The following CCDC192 variants were observed in gnomAD, a reference collection of about 807,000 sequenced individuals.
The protein encoded by CCDC192 is coiled-coil domain containing 192.
chr5:127,919,093 G>T (rs879497415), intron 6 of CCDC192, among the ~76,000 whole-genome samples: 5 of 151,626 alleles, frequency 3.3e-5, no homozygotes, highest in Non-Finnish European at 7.4e-5. Flanking sequence ...GTGTGTGTGT[G>T]TGTGTGTGTG....
intron 2 of CCDC192, among the ~76,000 whole-genome samples, chr5:127,709,809 C>T (rs188535861): frequency 1.3e-3 from 204 of 152,236 alleles, no homozygotes; most frequent in Non-Finnish European, 1.8e-3. Context: ...CAAAGAGTGT[C>T]CCTCACTGGA....
intron 3 of CCDC192, chr5:127,786,860 T>C (rs1050879992): frequency 2.0e-5 from 10 of 498,616 alleles, no homozygotes; most frequent in Non-Finnish European, 3.4e-5. Flanking sequence ...CTCCTCATGC[T>C]TGGTTTGACT....
intron 2 of CCDC192, among the ~76,000 whole-genome samples, chr5:127,751,438 T>G (rs1754164552): frequency 6.6e-6 from 1 of 152,240 alleles, no homozygotes; most frequent in East Asian, 1.9e-4. Flanking sequence ...TGTTGAATAT[T>G]GGCCCCCACT....
rs180678656 is a variant in CCDC192 at position 127,887,127 on chromosome 5, A to G, written c.535+11466A>G. ...CTGATCACTTGAGGTAGGGAGTTTG[A>G]GACCAGCCTGGCCAACAGGGGGAAA... is the stretch of plus-strand genomic sequence containing the variant. On this transcript the variant is annotated intron_variant, in intron 6 of 6. Transcript: ENST00000514853. 3.0e-3 allele frequency among the ~76,000 whole-genome samples: 456 copies of G among 152,182 alleles called. 1 individual carries two copies. Among genetic ancestry groups the G allele is most frequent in the Middle Eastern group, 6.8e-3 (2 of 294 alleles).
At chr5:127,768,123 G>A (rs980675460) in intron 3 of CCDC192, among the ~76,000 whole-genome samples, 6 of 151,910 alleles carry the variant, frequency 3.9e-5, no homozygotes, top group African/African-American at 1.5e-4. Context: ...GTGGTGGCAC[G>A]TGCCTGTAAT....
intron 2 of CCDC192, among the ~76,000 whole-genome samples, chr5:127,733,088 G>T (rs1168547083): frequency 6.6e-6 from 1 of 152,180 alleles, no homozygotes; most frequent in African/African-American, 2.4e-5. Flanking sequence ...GCTGGCAGGG[G>T]AGGATGCAAG....
intron 6 of CCDC192, among the ~76,000 whole-genome samples, chr5:127,888,364 C>T (rs534868714): frequency 1.5e-4 from 23 of 151,834 alleles, no homozygotes; most frequent in South Asian, 1.2e-3. Context: ...TGCAATGAGC[C>T]GAGATTGCGC....
At chr5:127,829,384 T>TAACTTA (rs1483804570) in intron 5 of CCDC192, among the ~76,000 whole-genome samples, 2 of 151,748 alleles carry the variant, frequency 1.3e-5, no homozygotes, top group Admixed American at 1.3e-4. Context: ...TTTTGGTAAT[T>TAACTTA]ATAAACATCC....
Position 127,845,036 on chromosome 5 carries a change from G to T in CCDC192, c.412-30502G>T, listed in dbSNP as rs549617810. Among the ~76,000 whole-genome samples, 25 of 152,350 alleles carry T rather than the reference G, an allele frequency of 1.6e-4. 2 individuals are homozygous for T. In the South Asian group the frequency reaches 5.2e-3, roughly 32 times the overall value. On this transcript the variant is annotated intron_variant, in intron 5 of 6. Transcript: ENST00000514853. ...AGTCTCTGTTCTTAAGAAGGGTCAT[G>T]TGTGGAAGAACAAATAACCCTGAGA...
At chr5:127,881,765 A>T (rs1163060736) in intron 6 of CCDC192, among the ~76,000 whole-genome samples, 1 of 152,176 alleles carries the variant, frequency 6.6e-6, no homozygotes, top group Admixed American at 6.5e-5. Flanking sequence ...TGTTGATTTT[A>T]CTTTGTTCAA....
Position 127,709,690 on chromosome 5 carries a change from T to C in CCDC192, c.114+1930T>C, listed in dbSNP as rs553649425. The stretch of plus-strand genomic sequence containing the variant: ...ATTAGTTTGGTTTCAGTTAAAAATG[T>C]ATTTTCTAACTCTAGTGATAATTTA... On this transcript the variant is annotated intron_variant, in intron 2 of 6. Coordinates refer to ENST00000514853, the MANE Select transcript of CCDC192 (RefSeq NM_001317938.2). 8.6e-4 allele frequency among the ~76,000 whole-genome samples: 131 copies of C among 152,322 alleles called. 1 individual carries two copies. Among genetic ancestry groups the C allele is most frequent in the African/African-American group, 3.1e-3 (128 of 41,564 alleles).
chr5:127,743,972 TAGTCCC>T (rs1266046501), intron 2 of CCDC192, among the ~76,000 whole-genome samples: 1 of 151,426 alleles, frequency 6.6e-6, no homozygotes, highest in East Asian at 2.0e-4. Flanking sequence ...CGGGCGCCTG[TAGTCCC>T]AGCTACTCGG....
At chr5:127,737,045 C>T (rs1481417428) in intron 2 of CCDC192, among the ~76,000 whole-genome samples, 1 of 150,324 alleles carries the variant, frequency 6.7e-6, no homozygotes, top group African/African-American at 2.5e-5. Flanking sequence ...TGGATCTTTC[C>T]TGCTTTCTCT....
intron 2 of CCDC192, among the ~76,000 whole-genome samples, chr5:127,719,534 C>CATATATATATATATATAT (rs1158638020): frequency 3.1e-4 from 13 of 42,254 alleles, no homozygotes; most frequent in African/African-American, 9.9e-4. Flanking sequence ...TACACACATA[C>CATATATATATATATATAT]ATATATATAT....
rs1484109460 is a variant in CCDC192 at position 127,747,545 on chromosome 5, T to G, written c.115-6723T>G. ...GGTTGGTTCCAAGTCTTTGCTATTG[T>G]GAATAATGCCGCAATAAACATACGT... On this transcript the variant is annotated intron_variant, in intron 2 of 6. Transcript: ENST00000514853. Among the ~76,000 whole-genome samples the G allele has an allele frequency of 4.6e-3, 701 of 152,150 alleles. 6 individuals carry two copies. Among genetic ancestry groups the G allele is most frequent in the African/African-American group, 0.015 (616 of 41,512 alleles).
chr5:127,805,901 G>C (rs1316534173), intron 5 of CCDC192, among the ~76,000 whole-genome samples: 2 of 152,094 alleles, frequency 1.3e-5, no homozygotes, highest in East Asian at 3.8e-4. Context: ...TATCATAGAA[G>C]AATAGCAGAA....
intron 3 of CCDC192, among the ~76,000 whole-genome samples, chr5:127,794,264 A>AG (rs1757041968): frequency 6.6e-6 from 1 of 152,184 alleles, no homozygotes; most frequent in Non-Finnish European, 1.5e-5. Context: ...CCTACTTTGG[A>AG]GCTGGGGTCA....
intron 5 of CCDC192, among the ~76,000 whole-genome samples, chr5:127,855,547 G>A (rs11951821): frequency 1.7e-3 from 253 of 152,268 alleles, no homozygotes; most frequent in African/African-American, 5.6e-3. Flanking sequence ...CATGAATCAC[G>A]AGTGTTCTTA....
At chr5:127,804,045 G>C (rs1201090569) in intron 5 of CCDC192, among the ~76,000 whole-genome samples, 1 of 152,140 alleles carries the variant, frequency 6.6e-6, no homozygotes, top group Non-Finnish European at 1.5e-5. Context: ...CCAGGACGGG[G>C]GTCTCCCAAA....
Sources: gnomAD v4.1 joint callset for allele counts (sites outside exome capture counted in the v4.1 genomes callset) on GRCh38, gnomAD v4.1.1 for gene constraint, MANE v1.5 for transcripts, NCBI Gene and HGNC (gene_info 2026-07-23, HGNC 2026-07-21) for gene names.